PLCG2: variants seen among roughly 807,000 people sequenced by gnomAD.
The protein encoded by PLCG2 is phospholipase C gamma 2.
In PLCG2, 69 loss-of-function variants were observed where a neutral mutation model predicts 175.6. The observed-to-expected ratio is 0.39, with a 90% CI of 0.32 to 0.48. PLCG2 has a LOEUF of 0.48. Ranked by LOEUF, PLCG2 falls within the 20% of genes least tolerant of loss-of-function variation. The probability of loss-of-function intolerance (pLI) is 0.91; values close to 1 mark genes in which losing one functional copy is unlikely to be tolerated. For synonymous variants in PLCG2, 827 were observed against 624.0 expected (o/e 1.33, Z -4.85); for missense variants, 1,798 against 1,650.9 (o/e 1.09, Z -1.54).
intron 2 of PLCG2, among the ~76,000 whole-genome samples, chr16:81,812,296 G>A (rs910871218): frequency 2.9e-4 from 44 of 152,050 alleles, no homozygotes; most frequent in Non-Finnish European, 5.6e-4. Flanking sequence ...TGATCCACAC[G>A]CCTCAGCCTC....
upstream of PLCG2, among the ~76,000 whole-genome samples, chr16:81,774,639 AG>A (rs1248563388): frequency 6.6e-6 from 1 of 150,750 alleles, no homozygotes; most frequent in Non-Finnish European, 1.5e-5. Flanking sequence ...AGGGTTGGCG[AG>A]GTTCCCTGGG....
At chr16:81,754,714 C>A (rs979433617) in intron 1 of PLCG2, among the ~76,000 whole-genome samples, 1 of 151,566 alleles carries the variant, frequency 6.6e-6, no homozygotes, top group East Asian at 2.0e-4. Context: ...TGTCAAAGGC[C>A]TGTCTGAAGT....
Position 81,846,708 on chromosome 16 carries a change from C to T in PLCG2, c.194-7736C>T, listed in dbSNP as rs79446864. ...TCAAGATATCAGTTCTTCCTGGCTT[C>T]ATCTATAGATTCAACACAATCCCAA... is the stretch of plus-strand genomic sequence containing the variant. On this transcript the variant is annotated intron_variant, in intron 2 of 32. Transcript: ENST00000564138. Among the ~76,000 whole-genome samples, 123 of 152,104 alleles carry T rather than the reference C, an allele frequency of 8.1e-4. 2 individuals are homozygous for T. The highest frequency in any genetic ancestry group is 2.8e-3 in the African/African-American group (116 of 41,524).
intron 15 of PLCG2, among the ~76,000 whole-genome samples, chr16:81,906,718 C>G (rs1200426367): frequency 6.6e-6 from 1 of 152,188 alleles, no homozygotes; most frequent in Non-Finnish European, 1.5e-5. Context: ...GCCACTGTAC[C>G]CAGCCAAAAA....
intron 2 of PLCG2, among the ~76,000 whole-genome samples, chr16:81,819,357 C>CA (rs1904693504): frequency 6.6e-6 from 1 of 152,144 alleles, no homozygotes; most frequent in African/African-American, 2.4e-5. Context: ...TCTGAGGCTT[C>CA]ATCTGGTACC....
chr16:81,913,416 G>C (rs1909715860), intron 19 of PLCG2, among the ~76,000 whole-genome samples: 2 of 152,208 alleles, frequency 1.3e-5, no homozygotes, highest in South Asian at 4.1e-4. Flanking sequence ...TCTAGTTATT[G>C]CAAGGGAGGA....
intron 1 of PLCG2, among the ~76,000 whole-genome samples, chr16:81,745,516 G>A (rs1185735991): frequency 1.3e-5 from 2 of 152,082 alleles, no homozygotes; most frequent in Non-Finnish European, 2.9e-5. Context: ...AATAGCCACT[G>A]GCCACAGACT....
intron 2 of PLCG2, chr16:81,852,069 G>A (rs1053976067): frequency 1.3e-5 from 2 of 152,226 alleles, no homozygotes; most frequent in Non-Finnish European, 2.9e-5. Flanking sequence ...ACCTCTTCTT[G>A]CTGCAAAGCT....
intron 5 of PLCG2, among the ~76,000 whole-genome samples, chr16:81,864,512 T>C (rs1430028485): frequency 1.3e-5 from 2 of 152,114 alleles, no homozygotes; most frequent in Non-Finnish European, 2.9e-5. Context: ...CACTAACTCA[T>C]TGTGTGAATT....
At chr16:81,933,521 A>C (rs1473435162) in intron 25 of PLCG2, among the ~76,000 whole-genome samples, 1 of 151,530 alleles carries the variant, frequency 6.6e-6, no homozygotes, top group South Asian at 2.1e-4. Context: ...CCATTCTGAG[A>C]TGGCTTGAGG....
At chr16:81,834,048 G>A (rs1567488812) in intron 2 of PLCG2, among the ~76,000 whole-genome samples, 1 of 152,266 alleles carries the variant, frequency 6.6e-6, no homozygotes, top group African/African-American at 2.4e-5. Flanking sequence ...GGAGGTAACT[G>A]GACTTACCTT....
intron 2 of PLCG2, among the ~76,000 whole-genome samples, chr16:81,766,008 A>AT (rs1910142071): frequency 2.6e-5 from 4 of 151,964 alleles, no homozygotes; most frequent in Admixed American, 2.6e-4. Flanking sequence ...TTGCTTGGGT[A>AT]TTTTTTTACT....
chr16:81,880,139 GC>G (rs1186959312), intron 7 of PLCG2, among the ~76,000 whole-genome samples: 1 of 152,192 alleles, frequency 6.6e-6, no homozygotes, highest in Non-Finnish European at 1.5e-5. Flanking sequence ...TACGCAGGAA[GC>G]TAATACAGGA....
chr16:81,931,272 C>A (rs968738520), intron 24 of PLCG2: 3 of 407,830 alleles, frequency 7.4e-6, no homozygotes, highest in African/African-American at 4.0e-5. Flanking sequence ...GTACTGGTGA[C>A]CTGACACATC....
At chr16:81,820,732 C>CA (rs1382080168) in intron 2 of PLCG2, among the ~76,000 whole-genome samples, 1 of 152,178 alleles carries the variant, frequency 6.6e-6, no homozygotes, top group African/African-American at 2.4e-5. Context: ...GCAATCCTCC[C>CA]ACCTCAGCCT....
At chr16:81,794,562 G>T (rs981866100) in intron 2 of PLCG2, among the ~76,000 whole-genome samples, 3 of 152,162 alleles carry the variant, frequency 2.0e-5, no homozygotes, top group African/African-American at 4.8e-5. Flanking sequence ...CTTGGTAGGG[G>T]TGTGACCTTG....
At chr16:81,910,825 C>G in intron 18 of PLCG2, 105 bp downstream of exon 18, 1 of 1,041,938 alleles carries the variant, frequency 9.6e-7, no homozygotes, top group Non-Finnish European at 1.5e-6. Context: ...CCAGGACACC[C>G]TCTCCCCAGC....
chr16:81,890,411 G>C (rs551258241), intron 10 of PLCG2, among the ~76,000 whole-genome samples: 1 of 152,202 alleles, frequency 6.6e-6, no homozygotes, highest in Non-Finnish European at 1.5e-5. Context: ...GCAAGATAGA[G>C]GTTGGTTAGA....
chr16:81,812,404 C>T (rs1402571132), intron 2 of PLCG2, among the ~76,000 whole-genome samples: 2 of 152,148 alleles, frequency 1.3e-5, no homozygotes, highest in Non-Finnish European at 2.9e-5. Flanking sequence ...GATGGTATCT[C>T]ATTGTAGTTT....
Sources: allele counts gnomAD v4.1 joint callset (sites outside exome capture counted in the v4.1 genomes callset), GRCh38; gene constraint gnomAD v4.1.1; transcripts MANE v1.5; gene names NCBI Gene and HGNC (gene_info 2026-07-23, HGNC 2026-07-21).